Variants in KIFC2 observed in about 807,000 individuals in gnomAD.
The protein encoded by KIFC2 is kinesin-like protein KIFC2.
Under a neutral mutation model 91.5 loss-of-function variants are expected in KIFC2, and 94 were observed. That is an observed-to-expected ratio of 1.03 (90% confidence interval 0.87 to 1.22). The LOEUF is 1.22. Among genes scored for constraint, KIFC2 ranks in the 50% most tolerant of loss-of-function variants. KIFC2 has a pLI of 0.00. For synonymous variants in KIFC2, 729 were observed against 503.9 expected, an observed-to-expected ratio of 1.45 and a Z score of -5.98; for missense variants, 1,357 against 1,103.3, an observed-to-expected ratio of 1.23 and a Z score of -3.26.
chr8:144,468,239 T>C (rs767112515), intron 7 of KIFC2, 90 bp from the exon 8 acceptor site: 20 of 1,235,392 alleles, frequency 1.6e-5, no homozygotes, highest in Non-Finnish European at 2.3e-5. Context: ...CAGCCAGCTC[T>C]GCCCACCTCT....
rs749069735 is a variant in KIFC2 at position 144,467,937 on chromosome 8, C to T, written c.760C>T (p.Arg254Trp). 5 of 1,607,340 alleles carry T rather than the reference C, an allele frequency of 3.1e-6. No individual in the cohort carries two copies. Among genetic ancestry groups the T allele is most frequent in the South Asian group, 2.2e-5 (2 of 90,284 alleles). Reference sequence around the variant, plus strand: ...CCTGAAGCAGAGCCTGAGTCTCATGCGGGACCTCCTGCTGCACTGGGGCCC... The same window carrying T: ...CCTGAAGCAGAGCCTGAGTCTCATGTGGGACCTCCTGCTGCACTGGGGCCC... ...EALKQSLSLM[R>W]DLLLHWGPGP... The change falls in exon 7 of 18, where the codon CGG becomes TGG. Residue 254 changes from arginine to tryptophan, a missense_variant. Coordinates refer to ENST00000645548, the MANE Select transcript of KIFC2 (RefSeq NM_001369769.2).
At position 144,472,401 on chromosome 8, in the gene KIFC2, A is replaced by G. The variant is rs775325837; in HGVS notation, c.1648A>G (p.Arg550Gly). ...AGGGCCTCCCGAGCGCCTGGCCGTG[A>G]GGCAGGGCCCAGAAGGCCAGGGCGG... ...APGPPERLAV[R>G]QGPEGQGGIQ... Residue 550 changes from arginine (R) to glycine (G), a missense_variant, in exon 15 of 18, where the codon AGG (arginine) becomes GGG (glycine). Transcript: ENST00000645548. The G allele has an allele frequency of 1.2e-6, 2 of 1,613,208 alleles. No homozygotes were observed. The highest frequency in any genetic ancestry group is 1.7e-6 in the Non-Finnish European group (2 of 1,179,902).
At chr8:144,466,553 C>A in intron 1 of KIFC2, 35 bp downstream of exon 1, 1 of 1,090,918 alleles carries the variant, frequency 9.2e-7, no homozygotes, top group South Asian at 3.7e-5. Flanking sequence ...CGTCGTCTCC[C>A]GCCGCCTGCC....
intron 12 of KIFC2, among the ~76,000 whole-genome samples, chr8:144,471,064 A>G (rs1460618002): frequency 6.6e-6 from 1 of 151,946 alleles, no homozygotes; most frequent in Non-Finnish European, 1.5e-5. Context: ...CCTGGGTTCA[A>G]GCAATTCTCC....
intron 10 of KIFC2, 32 bp from the exon 11 acceptor site, chr8:144,469,227 TCCTTGGCTGACC>T: frequency 7.0e-7 from 1 of 1,428,840 alleles, no homozygotes; most frequent in South Asian, 1.2e-5. Context: ...CCTCCGCAGC[TCCTTGGCTGACC>T]CCTTGCCTTC....
At chr8:144,468,888 C>G in intron 10 of KIFC2, 54 bp downstream of exon 10, 2 of 1,462,836 alleles carry the variant, frequency 1.4e-6, no homozygotes, top group East Asian at 2.3e-5. Context: ...ATTCACTGTT[C>G]TTTTGACGGG....
intron 7 of KIFC2, 119 bp from the exon 8 acceptor site, chr8:144,468,210 G>A (rs1293355524): frequency 9.3e-7 from 1 of 1,078,100 alleles, no homozygotes; most frequent in Non-Finnish European, 1.4e-6. Context: ...TCTGCGTGGA[G>A]CTGGGAGGCA....
chr8:144,467,143 C>T lies in KIFC2; in HGVS notation c.330+33C>T, dbSNP rs539596910. 4.3e-6 allele frequency: 7 copies of T among 1,611,098 alleles called. No homozygotes were observed. In the South Asian group the frequency reaches 6.6e-5, roughly 15 times the overall value. On this transcript the variant is annotated intron_variant, in intron 3 of 17. Coordinates refer to ENST00000645548, the MANE Select transcript of KIFC2 (RefSeq NM_001369769.2). ...CGGCGGAGGGGGCTGCTGGCAGGTA[C>T]CACCTGCCCCGGCCTTCCTGGCTTT...
At chr8:144,470,198 CCAGGCTGCCTGCCA>C (rs1439318716) in intron 12 of KIFC2, among the ~76,000 whole-genome samples, 2 of 152,268 alleles carry the variant, frequency 1.3e-5, no homozygotes, top group African/African-American at 4.8e-5. Context: ...CGACTCCCAA[CCAGGCTGCCTGCCA>C]GCCTCACAGG....
In KIFC2 at chr8:144,466,984, G is replaced by A. The variant is rs1824678717; in HGVS notation, c.204G>A (p.Ser68=). 1.3e-6 allele frequency: 2 copies of A among 1,596,250 alleles called. No individual in the cohort carries two copies. Among genetic ancestry groups the A allele is most frequent in the Admixed American group, 1.7e-5 (1 of 59,208 alleles). ...CCAGCTCCGAGCCTGAGGATGGGTC[G>A]GAAGGCGCAGCCGAGGGCCGCGCGG... ...LAASSEPEDG[S]EGAAEGRAAA... The change falls in exon 3 of 18, where the codon TCG becomes TCA. Residue 68 remains serine (S), a synonymous_variant. Coordinates refer to ENST00000645548, the MANE Select transcript of KIFC2 (RefSeq NM_001369769.2).
chr8:144,473,355 C>T lies in KIFC2; in HGVS notation c.2342C>T (p.Ser781Leu), dbSNP rs1037024198. 2 of 1,581,598 alleles carry T rather than the reference C, an allele frequency of 1.3e-6. No homozygotes were observed. The highest frequency in any genetic ancestry group is 1.1e-5 in the South Asian group (1 of 87,124). Residue 781 changes from serine (S) to leucine (L), a missense_variant, in exon 18 of 18, where the codon TCG becomes TTG. Coordinates refer to ENST00000645548, the MANE Select transcript of KIFC2 (RefSeq NM_001369769.2). ...CCCAGTCCCGACAACGGCTCGGGCT[C>T]GGCTCTCGCGCCCGCAGAGGGCCTG... ...PCPSPDNGSG[S>L]ALAPAEGLPL
Position 144,467,245 on chromosome 8 carries a change from T to C in KIFC2, c.373T>C (p.Leu125=). Residue 125 remains leucine, a synonymous_variant, in exon 4 of 18, where the codon TTG becomes CTG. Transcript: ENST00000645548. ...PSLLTVTSQL[L]ALLAWLRSPR... ...ACTGTTGACAGTGACCAGTCAGCTC[T>C]TGGCCCTTCTGGCATGGCTTCGAAG... is the stretch of plus-strand genomic sequence containing the variant. The C allele has an allele frequency of 6.2e-7, 1 of 1,613,662 alleles. No individual in the cohort carries two copies.
In KIFC2 at chr8:144,469,372, A is replaced by G. The variant is rs1824833164; in HGVS notation, c.1215A>G (p.Glu405=). 6.2e-7 allele frequency: 1 copy of G among 1,611,132 alleles called. No homozygotes were observed. Among genetic ancestry groups the G allele is most frequent in the Admixed American group, 1.7e-5 (1 of 59,564 alleles). ...PPAGCPGRLP[E]LKGNIRVLCR... The stretch of plus-strand genomic sequence containing the variant: ...CCGGATGCCCAGGGCGGCTGCCAGA[A>G]CTCAAGGGTATGACAGGCTTGGGAG... Residue 405 remains glutamate, a synonymous_variant, in exon 11 of 18, where the codon GAA becomes GAG. Transcript: ENST00000645548.
At position 144,469,353 on chromosome 8, in the gene KIFC2, GC is replaced by G. The variant is rs1824831880; in HGVS notation, c.1199del (p.Pro400GlnfsTer17). ...PEGQQGPPAG[C>X]PGRLPELKGN... ...GGGCAGCAAGGGCCCCCAGCCGGAT[GC>G]CCAGGGCGGCTGCCAGAACTCAAGG... On this transcript the variant is annotated frameshift_variant, in exon 11 of 18. Coordinates refer to ENST00000645548, the MANE Select transcript of KIFC2 (RefSeq NM_001369769.2). LOFTEE classifies it high-confidence loss of function. The G allele has an allele frequency of 1.2e-6, 2 of 1,609,882 alleles. No individual in the cohort carries two copies. The highest frequency in any genetic ancestry group is 8.5e-7 in the Non-Finnish European group (1 of 1,178,928).
At chr8:144,469,129 G>A (rs913183005) in intron 10 of KIFC2, 142 bp from the exon 11 acceptor site, 17 of 708,592 alleles carry the variant, frequency 2.4e-5, no homozygotes, top group Non-Finnish European at 3.9e-5. Flanking sequence ...TGTCCCCAGG[G>A]GCCCAGAGCC....
At chr8:144,469,080 C>T (rs1428731203) in intron 10 of KIFC2, among the ~76,000 whole-genome samples, 191 bp from the exon 11 acceptor site, 1 of 152,212 alleles carries the variant, frequency 6.6e-6, no homozygotes, top group African/African-American at 2.4e-5. Flanking sequence ...GGTGTTCCTG[C>T]CTGTCATTCC....
chr8:144,471,933 C>A lies in KIFC2; in HGVS notation c.1381-9C>A. ...GAGGACTCAAAACACATTCTCCCGC[C>A]TCCCGCAGGTCTTCAGAGAGCTGGA... On this transcript the variant is annotated splice_polypyrimidine_tract_variant and intron_variant, in intron 12 of 17. Transcript: ENST00000645548. 6.2e-7 allele frequency: 1 copy of A among 1,612,470 alleles called. No homozygotes were observed. Among genetic ancestry groups the A allele is most frequent in the Non-Finnish European group, 8.5e-7 (1 of 1,179,364 alleles).
chr8:144,472,750 C>G (rs1157080765), intron 16 of KIFC2, 44 bp downstream of exon 16: 1 of 1,591,860 alleles, frequency 6.3e-7, no homozygotes. Context: ...TCCAGAGCAC[C>G]CGAGGCCCGG....
Position 144,472,265 on chromosome 8 carries a change from C to T in KIFC2, c.1607+6C>T. The T allele has an allele frequency of 6.2e-7, 1 of 1,613,336 alleles. No homozygotes were observed. Among genetic ancestry groups the T allele is most frequent in the Non-Finnish European group, 8.5e-7 (1 of 1,179,982 alleles). ...ATCTACAATGAGGCTGTCAGGTGGG[C>T]TACTCCACCAGGGAGGCCTTCTCCC... On this transcript the variant is annotated splice_donor_region_variant and intron_variant, in intron 14 of 17. Coordinates refer to ENST00000645548, the MANE Select transcript of KIFC2 (RefSeq NM_001369769.2).
Sources: allele counts gnomAD v4.1 joint callset (sites outside exome capture counted in the v4.1 genomes callset), GRCh38; gene constraint gnomAD v4.1.1; transcripts MANE v1.5; gene names NCBI Gene and HGNC (gene_info 2026-07-23, HGNC 2026-07-21).